CHSY3: variants seen among roughly 807,000 people sequenced by gnomAD.
CHSY3 encodes chondroitin sulfate synthase 3.
In CHSY3, 35 loss-of-function variants were observed where a neutral mutation model predicts 67.2. The observed-to-expected ratio is 0.52, with a 90% confidence interval of 0.40 to 0.69. The LOEUF (loss-of-function observed/expected upper bound fraction) is 0.69. Among genes scored for constraint, CHSY3 ranks in the 30% least tolerant of loss-of-function variants. The pLI is 0.00. For missense variants in CHSY3, 1,069 were observed against 1,138.5 expected (o/e 0.94, Z 0.88); for synonymous variants, 474 against 434.7 (o/e 1.09, Z -1.12).
intron 2 of CHSY3, among the ~76,000 whole-genome samples, chr5:129,984,938 C>T (rs1345721808): frequency 6.6e-6 from 1 of 152,020 alleles, no homozygotes; most frequent in Non-Finnish European, 1.5e-5. Context: ...TTGAGGAATG[C>T]ATAATATCCA....
At chr5:130,153,812 GT>G in intron 2 of CHSY3, among the ~76,000 whole-genome samples, 1 of 151,854 alleles carries the variant, frequency 6.6e-6, no homozygotes, top group East Asian at 1.9e-4. Context: ...TTTAGTTTTT[GT>G]TTTTCGTTTT....
At chr5:130,149,249 T>C (rs890082301) in intron 2 of CHSY3, among the ~76,000 whole-genome samples, 1 of 152,288 alleles carries the variant, frequency 6.6e-6, no homozygotes, top group Non-Finnish European at 1.5e-5. Context: ...GTTCTTGCAT[T>C]GCTATAAATA....
intron 2 of CHSY3, among the ~76,000 whole-genome samples, chr5:129,990,105 CAT>C (rs1480591776): frequency 1.3e-5 from 2 of 151,590 alleles, no homozygotes; most frequent in African/African-American, 4.9e-5. Context: ...GTTAACATAT[CAT>C]GGATATACAG....
In CHSY3 at chr5:129,921,846, C is replaced by T. The variant is rs111310446; in HGVS notation, c.1086+13486C>T. On this transcript the variant is annotated intron_variant, in intron 2 of 2. Transcript: ENST00000305031. ...TTTTATCATTTCTTTGTGTTAGGAA[C>T]ATCCCAATGTCACTGTTTCGGTTAT... 2.1e-3 allele frequency among the ~76,000 whole-genome samples: 315 copies of T among 152,176 alleles called. 1 individual carries two copies. The highest frequency in any genetic ancestry group is 1.8e-3 in the Non-Finnish European group (124 of 68,020).
chr5:130,110,950 A>G (rs1767575185), intron 2 of CHSY3, among the ~76,000 whole-genome samples: 1 of 151,796 alleles, frequency 6.6e-6, no homozygotes, highest in Non-Finnish European at 1.5e-5. Context: ...AAATAAATTT[A>G]TTTTAATAAA....
chr5:129,960,728 A>C (rs1762306650), intron 2 of CHSY3, among the ~76,000 whole-genome samples: 1 of 152,048 alleles, frequency 6.6e-6, no homozygotes, highest in South Asian at 2.1e-4. Context: ...ATTTTTTAAA[A>C]AAATAATGCA....
chr5:130,083,998 C>A (rs1766526430), intron 2 of CHSY3, among the ~76,000 whole-genome samples: 1 of 151,926 alleles, frequency 6.6e-6, no homozygotes, highest in African/African-American at 2.4e-5. Flanking sequence ...TACTACCCAC[C>A]TTTTATATTT....
intron 2 of CHSY3, among the ~76,000 whole-genome samples, chr5:130,112,558 T>C (rs1177274714): frequency 6.6e-6 from 1 of 152,088 alleles, no homozygotes. Context: ...TTTACTGTAT[T>C]GTCCAGCTAC....
chr5:129,972,850 C>G (rs946153782), intron 2 of CHSY3, among the ~76,000 whole-genome samples: 1 of 151,968 alleles, frequency 6.6e-6, no homozygotes, highest in Non-Finnish European at 1.5e-5. Flanking sequence ...AGTTTTGTGC[C>G]TTGCATCTTC....
intron 2 of CHSY3, among the ~76,000 whole-genome samples, chr5:129,981,090 G>A (rs1418199404): frequency 3.3e-5 from 5 of 151,402 alleles, no homozygotes; most frequent in Admixed American, 2.0e-4. Context: ...ACGTGGTGGC[G>A]GGCGCCTGTA....
chr5:130,000,295 C>G (rs1213137961), intron 2 of CHSY3, among the ~76,000 whole-genome samples: 1 of 152,138 alleles, frequency 6.6e-6, no homozygotes, highest in African/African-American at 2.4e-5. Flanking sequence ...CACTTTGTAG[C>G]AGGTACAAAT....
chr5:130,063,977 T>A (rs11949812), intron 2 of CHSY3, among the ~76,000 whole-genome samples: 12,050 of 152,150 alleles, frequency 0.079, 1,583 homozygotes, highest in African/African-American at 0.27. Context: ...TAGTGAAGAT[T>A]ATACTGATGA....
chr5:130,063,838 C>T (rs1246857769), intron 2 of CHSY3, among the ~76,000 whole-genome samples: 1 of 152,040 alleles, frequency 6.6e-6, no homozygotes, highest in East Asian at 1.9e-4. Context: ...TTATCTGGGT[C>T]TTAATCTCAT....
intron 2 of CHSY3, among the ~76,000 whole-genome samples, chr5:130,167,442 A>G (rs1281311238): frequency 6.6e-6 from 1 of 152,162 alleles, no homozygotes; most frequent in Non-Finnish European, 1.5e-5. Context: ...TGGAAGATTT[A>G]CATCTCAATA....
intron 2 of CHSY3, among the ~76,000 whole-genome samples, chr5:130,165,597 T>C (rs753127122): frequency 1.3e-5 from 2 of 152,080 alleles, no homozygotes; most frequent in Admixed American, 6.6e-5. Context: ...CTACATTCTT[T>C]TCCCATTAGT....
chr5:130,003,839 C>T (rs1358322995), intron 2 of CHSY3, among the ~76,000 whole-genome samples: 1 of 152,100 alleles, frequency 6.6e-6, no homozygotes, highest in Non-Finnish European at 1.5e-5. Context: ...ATTTGATGTA[C>T]ACAAAACCTG....
intron 2 of CHSY3, among the ~76,000 whole-genome samples, chr5:130,127,499 C>T (rs1722450825): frequency 6.6e-6 from 1 of 152,174 alleles, no homozygotes. Context: ...CCTAATTTCT[C>T]TTTAATAATA....
chr5:129,912,865 G>A (rs1760613542), intron 2 of CHSY3, among the ~76,000 whole-genome samples: 1 of 152,138 alleles, frequency 6.6e-6, no homozygotes, highest in African/African-American at 2.4e-5. Context: ...TAGGATTGAG[G>A]CATCTTGTTT....
At chr5:130,011,852 C>T (rs1764071114) in intron 2 of CHSY3, among the ~76,000 whole-genome samples, 1 of 152,118 alleles carries the variant, frequency 6.6e-6, no homozygotes, top group Non-Finnish European at 1.5e-5. Flanking sequence ...AGAAGACAAT[C>T]CCATTCACAA....
Sources: gnomAD v4.1 joint callset for allele counts (sites outside exome capture counted in the v4.1 genomes callset) on GRCh38, gnomAD v4.1.1 for gene constraint, MANE v1.5 for transcripts, NCBI Gene and HGNC (gene_info 2026-07-23, HGNC 2026-07-21) for gene names.